The following ABCA8 variants were observed in gnomAD, a reference collection of about 807,000 sequenced individuals.
ABCA8 encodes the protein ATP binding cassette subfamily A member 8, also known as ABC-type organic anion transporter ABCA8.
A neutral mutation model predicts 192.3 loss-of-function variants in ABCA8; 177 were observed. The observed-to-expected ratio is 0.92, with a 90% CI of 0.81 to 1.04. ABCA8 has a LOEUF of 1.04. Among genes scored for constraint, ABCA8 ranks in the 50% least tolerant of loss-of-function variants. The probability of loss-of-function intolerance (pLI) is 0.00; values close to 1 mark genes in which losing one functional copy is unlikely to be tolerated. For synonymous variants in ABCA8, 642 were observed against 690.2 expected, an observed-to-expected ratio of 0.93 and a Z score of 1.09; for missense variants, 1,915 against 1,904.8, an observed-to-expected ratio of 1.01 and a Z score of -0.10.
chr17:68,868,080 G>T lies in ABCA8; in HGVS notation c.*5C>A. On this transcript the variant is annotated 3_prime_UTR_variant, in exon 40 of 40. Transcript: ENST00000586539. Reference sequence around the variant, plus strand: ...GGTTTAAACAGGAACACAGAATTTGGGGTTTTAAGGCTCTTCCTGGGGGAG... The same window carrying T: ...GGTTTAAACAGGAACACAGAATTTGTGGTTTTAAGGCTCTTCCTGGGGGAG... 1 of 1,593,836 alleles carries T rather than the reference G, an allele frequency of 6.3e-7. No individual in the cohort carries two copies. Among genetic ancestry groups the T allele is most frequent in the Non-Finnish European group, 8.5e-7 (1 of 1,173,068 alleles).
chr17:68,922,398 A>C, intron 11 of ABCA8, 98 bp from the exon 12 acceptor site: 16 of 853,930 alleles, frequency 1.9e-5, no homozygotes, highest in Non-Finnish European at 2.8e-5. Context: ...TTCAGGATAC[A>C]TGAAGATCTG....
Position 68,922,227 on chromosome 17 carries a change from T to G in ABCA8, c.1501+15A>C. The G allele has an allele frequency of 2.3e-6, 1 of 437,522 alleles. No individual in the cohort carries two copies. The highest frequency in any genetic ancestry group is 3.2e-6 in the Non-Finnish European group (1 of 309,190). The allele number at this position is 437,522 out of a possible 1,614,324, so 27.1% of individuals were successfully genotyped here. On this transcript the variant is annotated intron_variant, in intron 12 of 39. Transcript: ENST00000586539. ...TTTTTTTTTTTTTTTTTTTTTTTTT[T>G]TTTTTTTTTTTTACCTTTCAAGGCT...
At chr17:68,940,316 T>A (rs2068189618) in intron 4 of ABCA8, among the ~76,000 whole-genome samples, 1 of 152,140 alleles carries the variant, frequency 6.6e-6, no homozygotes, top group Non-Finnish European at 1.5e-5. Context: ...AGGGTTAAAA[T>A]TCCTATAATC....
chr17:68,928,931 G>T, intron 9 of ABCA8, 118 bp downstream of exon 9: 2 of 861,464 alleles, frequency 2.3e-6, no homozygotes, highest in Non-Finnish European at 1.6e-6. Context: ...CTTTACAACA[G>T]CCTTCGCTAG....
intron 8 of ABCA8, 30 bp downstream of exon 8, chr17:68,929,531 G>A (rs1175951944): frequency 1.3e-6 from 2 of 1,598,986 alleles, no homozygotes; most frequent in Non-Finnish European, 1.7e-6. Flanking sequence ...GCTATAGGTG[G>A]ATGGAAAGAT....
intron 16 of ABCA8, 124 bp downstream of exon 16, chr17:68,917,923 G>A: frequency 3.4e-6 from 4 of 1,162,828 alleles, no homozygotes; most frequent in Non-Finnish European, 3.6e-6. Flanking sequence ...ATTACCACCA[G>A]CCATTCAATT....
intron 1 of ABCA8, among the ~76,000 whole-genome samples, chr17:68,954,312 G>A (rs4147948): frequency 0.46 from 69,595 of 151,102 alleles, 16,621 homozygotes; most frequent in East Asian, 0.68. Context: ...AATAGACATT[G>A]GCCAAGAGGA....
intron 17 of ABCA8, among the ~76,000 whole-genome samples, chr17:68,910,528 T>C (rs1199471769): frequency 6.6e-6 from 1 of 152,160 alleles, no homozygotes; most frequent in African/African-American, 2.4e-5. Context: ...CTGAAATTCC[T>C]GGGCAAGTCC....
intron 15 of ABCA8, 38 bp from the exon 16 acceptor site, chr17:68,918,223 A>G (rs2067432682): frequency 6.2e-7 from 1 of 1,610,546 alleles, no homozygotes; most frequent in Admixed American, 1.7e-5. Flanking sequence ...GTTTTCCTCA[A>G]AGGTGAAGTT....
In ABCA8 at chr17:68,902,821, T is replaced by C; in HGVS notation, c.2656A>G (p.Ile886Val). ...PLLVEYTMVK[I>V]YQNSYTWELS... ...TCCCAGGTGTAACTGTTTTGATATA[T>C]TTTCACCATGGTATACTCCACAAGA... Residue 886 changes from isoleucine to valine, a missense_variant, in exon 21 of 40, where the codon ATA becomes GTA. Ile to Val is a conservative substitution (Grantham distance 29). Transcript: ENST00000586539. 3 of 1,613,878 alleles carry C rather than the reference T, an allele frequency of 1.9e-6. No individual in the cohort carries two copies. The highest frequency in any genetic ancestry group is 2.2e-5 in the South Asian group (2 of 91,070).
In ABCA8 at chr17:68,911,256, C is replaced by T. The variant is rs1463951498; in HGVS notation, c.2139-3377G>A. Among the ~76,000 whole-genome samples, 2 of 152,072 alleles carry T rather than the reference C, an allele frequency of 1.3e-5. No individual in the cohort carries two copies. The highest frequency in any genetic ancestry group is 2.4e-5 in the African/African-American group (1 of 41,396). On this transcript the variant is annotated intron_variant, in intron 17 of 39. Coordinates refer to ENST00000586539, the MANE Select transcript of ABCA8 (RefSeq NM_001288985.2). This position sits in a 1 kb window ranked among gnomAD's most constrained non-coding sequence, Gnocchi z 5.7. ...GCCTGGCAGCATGTACTACAAGCTG[C>T]CTGAAGTCCCTTGGGCCTTGAGTGA...
chr17:68,934,837 T>A (rs1188817342), intron 5 of ABCA8, among the ~76,000 whole-genome samples: 1 of 152,204 alleles, frequency 6.6e-6, no homozygotes, highest in African/African-American at 2.4e-5. Flanking sequence ...TATTTGCTAA[T>A]TTTTGCAAAT....
intron 21 of ABCA8, among the ~76,000 whole-genome samples, chr17:68,899,731 A>G (rs975025002): frequency 6.6e-6 from 1 of 152,116 alleles, no homozygotes; most frequent in East Asian, 1.9e-4. Context: ...AACACATCCA[A>G]AACGGTTGAA....
intron 5 of ABCA8, among the ~76,000 whole-genome samples, chr17:68,934,858 T>A (rs1478847138): frequency 6.6e-6 from 1 of 152,186 alleles, no homozygotes; most frequent in Non-Finnish European, 1.5e-5. Context: ...CTTATGAACA[T>A]GAAGTGATAT....
intron 11 of ABCA8, among the ~76,000 whole-genome samples, chr17:68,923,647 C>G (rs1286551027): frequency 6.6e-6 from 1 of 152,200 alleles, no homozygotes; most frequent in African/African-American, 2.4e-5. Context: ...TTGCTCTGAG[C>G]TGCTCTGCTA....
At chr17:68,937,248 T>TA in intron 4 of ABCA8, 133 bp from the exon 5 acceptor site, 1 of 760,716 alleles carries the variant, frequency 1.3e-6, no homozygotes. Context: ...TTTAGAAAGT[T>TA]AGACTAAAAT....
At chr17:68,942,153 CAA>C (rs2068249132) in intron 2 of ABCA8, 114 bp from the exon 3 acceptor site, 2 of 729,508 alleles carry the variant, frequency 2.7e-6, no homozygotes, top group South Asian at 1.8e-5. Flanking sequence ...CAAATGAGTG[CAA>C]AGAGTCTGAG....
intron 22 of ABCA8, 181 bp downstream of exon 22, chr17:68,894,699 G>T: frequency 1.5e-6 from 1 of 645,528 alleles, no homozygotes; most frequent in Non-Finnish European, 2.5e-6. Flanking sequence ...TTTGCTAATA[G>T]TTTGTGCCAG....
At chr17:68,896,562 T>C (rs1339102068) in intron 21 of ABCA8, among the ~76,000 whole-genome samples, 1 of 152,222 alleles carries the variant, frequency 6.6e-6, no homozygotes, top group Non-Finnish European at 1.5e-5. Context: ...CAGCCCCTTG[T>C]CTTCTGTGTC....
Sources: allele counts gnomAD v4.1 joint callset (sites outside exome capture counted in the v4.1 genomes callset), GRCh38; gene constraint gnomAD v4.1.1; non-coding constraint Gnocchi (gnomAD v3.1); transcripts MANE v1.5; gene names NCBI Gene and HGNC (gene_info 2026-07-23, HGNC 2026-07-21).